Variants in CTSC observed in about 807,000 individuals in gnomAD.
The protein encoded by CTSC is cathepsin C.
CTSC carries 37 observed loss-of-function variants against 40.9 expected under a neutral mutation model. The observed-to-expected ratio is 0.91, with a 90% CI of 0.70 to 1.19. The LOEUF (loss-of-function observed/expected upper bound fraction) is 1.19. Ranked by LOEUF, CTSC falls within the 50% of genes most tolerant of loss-of-function variation. The pLI is 0.00. For synonymous variants in CTSC, 232 were observed against 207.4 expected (o/e 1.12, Z -1.02); for missense variants, 594 against 567.3 (o/e 1.05, Z -0.48).
At chr11:88,318,914 T>C (rs1056476627) in intron 2 of CTSC, among the ~76,000 whole-genome samples, 1 of 151,844 alleles carries the variant, frequency 6.6e-6, no homozygotes, top group African/African-American at 2.4e-5. Context: ...GGCTCAAAAA[T>C]AAATAAATAA....
intron 2 of CTSC, among the ~76,000 whole-genome samples, chr11:88,331,280 T>G (rs552797148): frequency 1.3e-5 from 2 of 152,316 alleles, no homozygotes; most frequent in African/African-American, 4.8e-5. Context: ...CCTGCCCACT[T>G]TAGACACCAG....
At position 88,296,254 on chromosome 11, in the gene CTSC, G is replaced by A. The variant is rs776824336; in HGVS notation, c.768C>T (p.Gly256=). 4.7e-5 allele frequency: 76 copies of A among 1,613,752 alleles called. No individual in the cohort carries two copies. In the Admixed American group the frequency reaches 1.2e-3, roughly 24 times the overall value. ...CCATAGAAGCAAATGAGTAGCAGCT[G>A]CCACAGGATGCTGGCGATGAAAAAA... ...VSPVRNQASC[G]SCYSFASMGM... Residue 256 remains glycine, a synonymous_variant, in exon 6 of 7, where the codon GGC becomes GGT. Transcript: ENST00000227266.
rs1937790111 is a variant in CTSC, at chr11:88,312,614, T to C, written c.319-60A>G. On this transcript the variant is annotated intron_variant, in intron 2 of 6. Coordinates refer to ENST00000227266, the MANE Select transcript of CTSC (RefSeq NM_001814.6). ...AATCTGTCTTCAAATTTCAGGTCCA[T>C]TTCCATGGCTCTCATTCACAGTAAA... 2.5e-6 allele frequency: 4 copies of C among 1,584,696 alleles called. No homozygotes were observed. The South Asian group carries it at 3.3e-5, about 13-fold the overall frequency.
chr11:88,303,233 A>G (rs1157231305), intron 4 of CTSC, among the ~76,000 whole-genome samples: 1 of 152,206 alleles, frequency 6.6e-6, no homozygotes, highest in Non-Finnish European at 1.5e-5. Flanking sequence ...TCAAGCAAGC[A>G]ACCAATTTCA....
At chr11:88,312,892 A>G (rs1292545415) in intron 2 of CTSC, among the ~76,000 whole-genome samples, 2 of 152,216 alleles carry the variant, frequency 1.3e-5, no homozygotes, top group Non-Finnish European at 2.9e-5. Context: ...CAAGAAGACT[A>G]TGAGGATGCA....
chr11:88,336,532 C>A (rs1286065609), intron 1 of CTSC, among the ~76,000 whole-genome samples: 7 of 141,882 alleles, frequency 4.9e-5, no homozygotes, highest in Non-Finnish European at 9.1e-5. Flanking sequence ...GAGCAAGACT[C>A]CATTCTCAAA....
intron 5 of CTSC, chr11:88,298,495 T>C (rs575969751): frequency 3.9e-5 from 6 of 152,338 alleles, no homozygotes; most frequent in African/African-American, 9.6e-5. Flanking sequence ...ATTCCCTTAA[T>C]TGCAGCTAAT....
Position 88,327,921 on chromosome 11 carries a change from T to G in CTSC, c.318+7016A>C. ...AAACAGAACATAATAAAGTAGAAAA[T>G]TACTCACATAAAATAGTGCAGACAA... On this transcript the variant is annotated intron_variant, in intron 2 of 6. Coordinates refer to ENST00000227266, the MANE Select transcript of CTSC (RefSeq NM_001814.6). 6 of 605,104 alleles carry G rather than the reference T, an allele frequency of 9.9e-6. No homozygotes were observed. The South Asian group carries it at 1.2e-4, about 12-fold the overall frequency. 37.5% of individuals were successfully genotyped at this position (605,104 alleles called of 1,614,324 possible).
At chr11:88,295,028 T>C in intron 6 of CTSC, among the ~76,000 whole-genome samples, 1 of 152,316 alleles carries the variant, frequency 6.6e-6, no homozygotes, top group Middle Eastern at 3.4e-3. Context: ...CTGGCCCTAT[T>C]ATATATATTA....
chr11:88,315,826 G>C (rs1244515660), intron 2 of CTSC, among the ~76,000 whole-genome samples: 7 of 152,096 alleles, frequency 4.6e-5, no homozygotes, highest in Non-Finnish European at 8.8e-5. Context: ...AGAAATGACA[G>C]AAAAGGCTTT....
Position 88,334,952 on chromosome 11 carries a change from C to A in CTSC, c.303G>T (p.Trp101Cys). ...CAAAACTAACCTTAAAAAAGGCAAA[C>A]CACTTGTAGTCATTCAACACAATCT... ...GFEIVLNDYK[W>C]FAFFKYKEEG... is the part of the protein sequence containing the mutation. Residue 101 changes from tryptophan (W) to cysteine (C), a missense_variant, in exon 2 of 7, where the codon TGG becomes TGT. Physicochemically the swap from Trp to Cys is radical, Grantham distance 215. Coordinates refer to ENST00000227266, the MANE Select transcript of CTSC (RefSeq NM_001814.6). 2 of 1,612,766 alleles carry A rather than the reference C, an allele frequency of 1.2e-6. No homozygotes were observed. Among genetic ancestry groups the A allele is most frequent in the Non-Finnish European group, 1.7e-6 (2 of 1,179,000 alleles).
intron 5 of CTSC, chr11:88,298,159 A>G (rs975836083): frequency 7.2e-5 from 11 of 152,200 alleles, no homozygotes; most frequent in African/African-American, 2.7e-4. Flanking sequence ...TAGCATTTTG[A>G]AACAAGACTT....
chr11:88,323,703 CAGA>C (rs768323196), intron 2 of CTSC: 4 of 151,892 alleles, frequency 2.6e-5, no homozygotes, highest in Non-Finnish European at 5.9e-5. Context: ...TCTAGGAATA[CAGA>C]AGAAGTGAAG....
chr11:88,309,391 A>C, intron 3 of CTSC, 73 bp from the exon 4 acceptor site: 1 of 1,293,972 alleles, frequency 7.7e-7, no homozygotes, highest in Admixed American at 1.7e-5. Flanking sequence ...ACAGGCATTC[A>C]CACTCTGTGC....
At chr11:88,322,439 G>A (rs1938045022) in intron 2 of CTSC, 2 of 152,076 alleles carry the variant, frequency 1.3e-5, no homozygotes, top group African/African-American at 2.4e-5. Flanking sequence ...TAAGAAACAG[G>A]AACAGTTTCA....
intron 5 of CTSC, chr11:88,299,547 G>C (rs1944335239): frequency 6.6e-6 from 1 of 152,274 alleles, no homozygotes; most frequent in African/African-American, 2.4e-5. Context: ...TCAACATTCA[G>C]AACACTGCAA....
chr11:88,310,441 A>T (rs1316720643), intron 3 of CTSC, among the ~76,000 whole-genome samples: 1 of 151,024 alleles, frequency 6.6e-6, no homozygotes, highest in Non-Finnish European at 1.5e-5. Context: ...GTGGTTTCAG[A>T]GTGACTCACT....
At chr11:88,308,214 G>C (rs1199623254) in intron 4 of CTSC, among the ~76,000 whole-genome samples, 1 of 152,132 alleles carries the variant, frequency 6.6e-6, no homozygotes, top group Non-Finnish European at 1.5e-5. Context: ...AAGTCATTTC[G>C]GCTACAGTTT....
chr11:88,324,585 T>C, intron 2 of CTSC: 2 of 984,258 alleles, frequency 2.0e-6, no homozygotes, highest in Non-Finnish European at 2.4e-6. Flanking sequence ...TCCAGGTACC[T>C]ACAAAGTTCT....
Sources: gnomAD v4.1 joint callset for allele counts (sites outside exome capture counted in the v4.1 genomes callset) on GRCh38, gnomAD v4.1.1 for gene constraint, MANE v1.5 for transcripts, NCBI Gene and HGNC (gene_info 2026-07-23, HGNC 2026-07-21) for gene names.